Variants in INTS1 observed in about 807,000 individuals in gnomAD.
The protein encoded by INTS1 is integrator complex subunit 1.
In INTS1, 137 loss-of-function variants were observed where a neutral mutation model predicts 241.6. The ratio of observed to expected loss-of-function variants is 0.57; its 90% CI spans 0.49 to 0.65. The LOEUF (loss-of-function observed/expected upper bound fraction) is 0.65, where lower values mean the gene tolerates loss of function less well. INTS1 is among the 30% of genes least tolerant of loss of function. INTS1 has a pLI of 0.00. For synonymous variants in INTS1, 1,692 were observed against 1,337.8 expected (o/e 1.26, Z -5.78); for missense variants, 3,073 against 3,032.2 (o/e 1.01, Z -0.32).
rs1457546064 is a variant in INTS1, at chr7:1,477,614, A to G, written c.4874T>C (p.Leu1625Pro). ...SGLLVDWLEM[L>P]DPEVVSSCPD... Reference sequence around the variant, plus strand: ...GCAGCTGCTGACCACCTCGGGGTCCAGCATTTCCAGCCAGTCCACTAGGAG... The same window carrying G: ...GCAGCTGCTGACCACCTCGGGGTCCGGCATTTCCAGCCAGTCCACTAGGAG... Residue 1625 changes from leucine (L) to proline (P), a missense_variant, in exon 35 of 48, where the codon CTG (leucine) becomes CCG (proline). Transcript: ENST00000404767. 3.2e-6 allele frequency: 5 copies of G among 1,578,618 alleles called. No individual in the cohort carries two copies. The highest frequency in any genetic ancestry group is 4.3e-6 in the Non-Finnish European group (5 of 1,164,038).
chr7:1,485,609 A>G, intron 22 of INTS1, 140 bp from the exon 23 acceptor site: 1 of 831,112 alleles, frequency 1.2e-6, no homozygotes, highest in Non-Finnish European at 1.8e-6. Flanking sequence ...GGCCGCAGGT[A>G]AAAGGGAAAA....
In INTS1 at chr7:1,498,795, C is replaced by A; in HGVS notation, c.1195G>T (p.Gly399Cys). 1 of 1,602,176 alleles carries A rather than the reference C, an allele frequency of 6.2e-7. No individual in the cohort carries two copies. The change falls in exon 9 of 48, where the codon GGT (glycine) becomes TGT (cysteine). Residue 399 changes from glycine (G) to cysteine (C), a missense_variant. Physicochemically the swap from Gly to Cys is radical, Grantham distance 159. Transcript: ENST00000404767. ...GAGATGACGTCCATGTCTTCGGAAC[C>A]GTGCGTGTTGCAGTTCATGCAGACG... is the stretch of plus-strand genomic sequence containing the variant. ...MSVCMNCNTHGSEDMDVISHL... is the reference protein window; with the variant it reads ...MSVCMNCNTHCSEDMDVISHL...
At chr7:1,486,806 G>A (rs1368054504) in intron 21 of INTS1, 32 bp from the exon 22 acceptor site, 2 of 1,609,262 alleles carry the variant, frequency 1.2e-6, no homozygotes, top group African/African-American at 2.7e-5. Flanking sequence ...CAGGGGTGCA[G>A]GTGACAGGCC....
intron 33 of INTS1, 147 bp downstream of exon 33, chr7:1,478,219 G>T: frequency 1.1e-6 from 1 of 907,904 alleles, no homozygotes; most frequent in Non-Finnish European, 1.7e-6. Flanking sequence ...CCCGCCCTGA[G>T]CCATCTGGGA....
intron 4 of INTS1, 64 bp from the exon 5 acceptor site, chr7:1,500,085 C>G: frequency 1.9e-6 from 3 of 1,595,226 alleles, no homozygotes; most frequent in Non-Finnish European, 2.6e-6. Flanking sequence ...CTGGGGTGGG[C>G]CGGGAGGGAC....
chr7:1,499,824 C>G (rs558706226), intron 5 of INTS1, 60 bp downstream of exon 5: 1 of 1,557,748 alleles, frequency 6.4e-7, no homozygotes, highest in African/African-American at 1.4e-5. Context: ...GCTTTTCTCT[C>G]GCCCCTGCCC....
chr7:1,502,810 C>T, intron 3 of INTS1, 91 bp downstream of exon 3: 3 of 1,399,204 alleles, frequency 2.1e-6, no homozygotes, highest in Admixed American at 1.9e-5. Flanking sequence ...GCCATACGGG[C>T]AGCACTAGGC....
At chr7:1,478,528 G>A (rs773487268) in intron 32 of INTS1, 22 bp from the exon 33 acceptor site, 2 of 1,604,284 alleles carry the variant, frequency 1.2e-6, no homozygotes, top group East Asian at 2.2e-5. Context: ...CTGTGTGAGT[G>A]CCCTGTGGCT....
chr7:1,475,139 T>G (rs945394413), intron 39 of INTS1, among the ~76,000 whole-genome samples: 1 of 152,188 alleles, frequency 6.6e-6, no homozygotes, highest in African/African-American at 2.4e-5. Context: ...ATCCCAGCAC[T>G]CTGTGAGGCC....
At chr7:1,471,052 G>C (rs1781442092) in intron 46 of INTS1, 81 bp downstream of exon 46, 1 of 1,512,976 alleles carries the variant, frequency 6.6e-7, no homozygotes, top group East Asian at 2.5e-5. Context: ...AGCCTGGTCT[G>C]GCCACCAGGC....
rs775101258 is a variant in INTS1 at position 1,479,487 on chromosome 7, G to T, written c.4272C>A (p.Ser1424=). The change falls in exon 31 of 48, where the codon TCC becomes TCA. Residue 1424 remains serine (S), a synonymous_variant. Transcript: ENST00000404767. ...AGGCCAGGAAGTGGCTACGGTGCAT[G>T]GACATCACCAGGGCACCGCCGTGTG... The part of the protein sequence containing the change: ...SSPHGGALVM[S]MHRSHFLACP... 12 of 1,576,770 alleles carry T rather than the reference G, an allele frequency of 7.6e-6. No homozygotes were observed. The South Asian group carries it at 1.3e-4, about 17-fold the overall frequency.
rs200150900 is a variant in INTS1 at position 1,487,015 on chromosome 7, G to A, written c.2733C>T (p.Cys911=). The change falls in exon 21 of 48, where the codon TGC becomes TGT. Residue 911 remains cysteine, a synonymous_variant. Coordinates refer to ENST00000404767, the MANE Select transcript of INTS1 (RefSeq NM_001080453.3). The part of the protein sequence containing the change: ...SLDVLPVQCL[C]EFLLHDAVDD... The stretch of plus-strand genomic sequence containing the variant: ...CCACAGCATCGTGCAGCAGGAACTC[G>A]CACAGACACTGCACGGGCAGCACGT... The A allele has an allele frequency of 1.4e-5, 23 of 1,603,592 alleles. No individual in the cohort carries two copies. The highest frequency in any genetic ancestry group is 5.1e-5 in the Admixed American group (3 of 59,268).
intron 44 of INTS1, 179 bp downstream of exon 44, chr7:1,472,094 G>A (rs564366682): frequency 1.3e-5 from 8 of 603,410 alleles, no homozygotes; most frequent in South Asian, 7.8e-5. Context: ...CTGGGCCCCT[G>A]AGTTTCTAAG....
Position 1,470,511 on chromosome 7 carries a change from CTT to C in INTS1, c.*64_*65del. The C allele has an allele frequency of 7.8e-7, 1 of 1,288,538 alleles. No homozygotes were observed. The highest frequency in any genetic ancestry group is 1.4e-5 in the South Asian group (1 of 70,950). The allele number at this position is 1,288,538 out of a possible 1,614,324, so 79.8% of individuals were successfully genotyped here. A position where few individuals can be genotyped will look rare whatever the true frequency, so the allele number is the denominator to read the frequency against. ...ACCAGCAACGCCCACGCTTCCTGGG[CTT>C]TGCCTCGAGGATCCCCGGGGACGGG... On this transcript the variant is annotated 3_prime_UTR_variant, in exon 48 of 48. Coordinates refer to ENST00000404767, the MANE Select transcript of INTS1 (RefSeq NM_001080453.3).
At chr7:1,490,187 A>G (rs1227137935) in intron 16 of INTS1, among the ~76,000 whole-genome samples, 1 of 152,254 alleles carries the variant, frequency 6.6e-6, no homozygotes, top group Non-Finnish European at 1.5e-5. Flanking sequence ...GCCGAAGGAG[A>G]GAGGCAGGAG....
intron 16 of INTS1, among the ~76,000 whole-genome samples, chr7:1,492,387 G>T (rs1351253397): frequency 1.3e-5 from 2 of 152,118 alleles, no homozygotes; most frequent in Non-Finnish European, 2.9e-5. Flanking sequence ...CACCCAAAAG[G>T]GCCGCTCTAC....
At chr7:1,496,305 CG>C (rs1466253410) in intron 11 of INTS1, 41 bp from the exon 12 acceptor site, 2 of 1,446,994 alleles carry the variant, frequency 1.4e-6, no homozygotes, top group South Asian at 2.3e-5. Flanking sequence ...AAGGGACACC[CG>C]GGAGCCCCAC....
rs570811913 is a variant in INTS1, at chr7:1,500,296, G to A, written c.420C>T (p.Gly140=). 37 of 1,593,308 alleles carry A rather than the reference G, an allele frequency of 2.3e-5. No homozygotes were observed. The highest frequency in any genetic ancestry group is 1.7e-4 in the South Asian group (15 of 88,390). The change falls in exon 4 of 48, where the codon GGC becomes GGT. Residue 140 remains glycine, a synonymous_variant. Transcript: ENST00000404767. The part of the protein sequence containing the change: ...ELEGNDDRIE[G]VLCGAVKQLK... ...GCTGCTTCACGGCCCCGCACAGCAC[G>A]CCCTCGATCCTGTCATCGTTGCCCT...
In INTS1 at chr7:1,476,174, G is replaced by A. The variant is rs371525390; in HGVS notation, c.5378+55C>T. The A allele has an allele frequency of 5.9e-4, 899 of 1,527,984 alleles. 4 individuals carry two copies. Among genetic ancestry groups the A allele is most frequent in the South Asian group, 1.8e-4 (15 of 83,268 alleles). 94.7% of individuals were successfully genotyped at this position (1,527,984 alleles called of 1,614,324 possible). ...GGGAACCCACCCAGGGCTGGGCCTC[G>A]ACCCCCTCCATGGCTCACTCCCAGG... On this transcript the variant is annotated intron_variant, in intron 38 of 47. Transcript: ENST00000404767.
Sources: gnomAD v4.1 joint callset for allele counts (sites outside exome capture counted in the v4.1 genomes callset) on GRCh38, gnomAD v4.1.1 for gene constraint, MANE v1.5 for transcripts, NCBI Gene and HGNC (gene_info 2026-07-23, HGNC 2026-07-21) for gene names.